The following TPCN2 variants were observed in gnomAD, a reference collection of about 807,000 sequenced individuals.
The protein encoded by TPCN2 is two pore segment channel 2, also known as two pore channel protein 2.
Under a neutral mutation model 111.4 loss-of-function variants are expected in TPCN2, and 92 were observed. The observed-to-expected ratio is 0.83, with a 90% CI of 0.70 to 0.98. The LOEUF (loss-of-function observed/expected upper bound fraction) is 0.98, where lower values mean the gene tolerates loss of function less well. Ranked by LOEUF, TPCN2 falls within the 50% of genes least tolerant of loss-of-function variation. TPCN2 has a pLI of 0.00. For synonymous variants in TPCN2, 405 were observed against 414.5 expected (o/e 0.98, Z 0.28); for missense variants, 995 against 980.1 (o/e 1.02, Z -0.20).
At chr11:69,058,590 G>C (rs928123790) in intron 5 of TPCN2, among the ~76,000 whole-genome samples, 1 of 152,244 alleles carries the variant, frequency 6.6e-6, no homozygotes, top group African/African-American at 2.4e-5. Flanking sequence ...TCCTGTCCCC[G>C]CCTGCCCCAG....
chr11:69,055,986 C>T (rs988878768), intron 4 of TPCN2, among the ~76,000 whole-genome samples: 8 of 152,252 alleles, frequency 5.3e-5, no homozygotes, highest in South Asian at 2.1e-4. Flanking sequence ...CTGTGACGCA[C>T]GTCCTCCCAC....
chr11:69,051,945 G>T (rs1370533226), intron 1 of TPCN2, among the ~76,000 whole-genome samples: 1 of 152,152 alleles, frequency 6.6e-6, no homozygotes, highest in Non-Finnish European at 1.5e-5. Flanking sequence ...TGGAGTGTGG[G>T]CCTGGAATAG....
intron 10 of TPCN2, among the ~76,000 whole-genome samples, 153 bp from the exon 11 acceptor site, chr11:69,071,770 G>T (rs571563018): frequency 1.3e-5 from 2 of 152,200 alleles, no homozygotes; most frequent in African/African-American, 2.4e-5. Flanking sequence ...TCATTCCTGG[G>T]GGGTGAGGGG....
At position 69,090,052 on chromosome 11, in the gene TPCN2, C is replaced by G. The variant is rs1055458193; in HGVS notation, c.*2099C>G. ...GAGTGAGCTGCAGCTCTAAGAAGAC[C>G]TGTTCTTTTGAATGGAGAGTAGCAT... On this transcript the variant is annotated 3_prime_UTR_variant, in exon 25 of 25. Transcript: ENST00000294309. 2 of 152,120 alleles carry G rather than the reference C, an allele frequency of 1.3e-5. No homozygotes were observed. Among genetic ancestry groups the G allele is most frequent in the Non-Finnish European group, 2.9e-5 (2 of 68,038 alleles). The allele number at this position is 152,120 out of a possible 1,614,324, so 9.4% of individuals were successfully genotyped here. A position where few individuals can be genotyped will look rare whatever the true frequency, so the allele number is the denominator to read the frequency against.
chr11:69,071,774 T>A, intron 10 of TPCN2, 149 bp from the exon 11 acceptor site: 1 of 676,458 alleles, frequency 1.5e-6, no homozygotes. Context: ...TCCTGGGGGG[T>A]GAGGGGCTGC....
At chr11:69,075,406 C>T (rs561413476) in intron 13 of TPCN2, among the ~76,000 whole-genome samples, 1 of 152,334 alleles carries the variant, frequency 6.6e-6, no homozygotes, top group South Asian at 2.1e-4. Context: ...TTCTAGACTA[C>T]TTGGAATACC....
chr11:69,053,297 G>C (rs546514570), intron 1 of TPCN2, among the ~76,000 whole-genome samples: 1 of 152,200 alleles, frequency 6.6e-6, no homozygotes, highest in Non-Finnish European at 1.5e-5. Flanking sequence ...TGGGGGACTC[G>C]GGCGTTCCTG....
intron 7 of TPCN2, among the ~76,000 whole-genome samples, chr11:69,064,230 C>T (rs562013106): frequency 6.6e-6 from 1 of 152,070 alleles, no homozygotes; most frequent in South Asian, 2.1e-4. Context: ...TCCCACCCTC[C>T]TCTGCTCCCT....
Position 69,089,115 on chromosome 11 carries a change from C to G in TPCN2, c.*1162C>G, listed in dbSNP as rs1243187047. On this transcript the variant is annotated 3_prime_UTR_variant, in exon 25 of 25. Transcript: ENST00000294309. ...TGCTTTTCCTTCAGAGGTGCTGAGC[C>G]CACGCCATAGCCCCTGTGGGATGGT... 1 of 152,324 alleles carries G rather than the reference C, an allele frequency of 6.6e-6. No individual in the cohort carries two copies. Among genetic ancestry groups the G allele is most frequent in the Non-Finnish European group, 1.5e-5 (1 of 68,128 alleles). The allele number at this position is 152,324 out of a possible 1,614,324, so 9.4% of individuals were successfully genotyped here. A position where few individuals can be genotyped will look rare whatever the true frequency, so the allele number is the denominator to read the frequency against.
intron 17 of TPCN2, among the ~76,000 whole-genome samples, chr11:69,081,031 G>C (rs887617338): frequency 6.6e-6 from 1 of 152,070 alleles, no homozygotes; most frequent in African/African-American, 2.4e-5. Flanking sequence ...GGAGACATGG[G>C]CTCACGCAGT....
chr11:69,077,489 G>T (rs929799813), intron 13 of TPCN2, among the ~76,000 whole-genome samples: 4 of 152,220 alleles, frequency 2.6e-5, no homozygotes, highest in Non-Finnish European at 5.9e-5. Flanking sequence ...AGTGCGTATC[G>T]AGGAGGATGT....
chr11:69,085,435 C>T (rs1012674358), intron 20 of TPCN2, 149 bp downstream of exon 20: 17 of 849,312 alleles, frequency 2.0e-5, no homozygotes, highest in African/African-American at 1.3e-4. Flanking sequence ...CCCCTTTTCC[C>T]GACCCCCAAT....
In TPCN2 at chr11:69,081,424, G is replaced by T. The variant is rs902600423; in HGVS notation, c.1614G>T (p.Leu538=). The T allele has an allele frequency of 1.9e-6, 3 of 1,561,058 alleles. No homozygotes were observed. The highest frequency in any genetic ancestry group is 2.6e-6 in the Non-Finnish European group (3 of 1,153,178). ...GGAGGCCGGAGATGGTGGGCCTGCT[G>T]TCGCTGTGGGACATGACCCGCATGC... The part of the protein sequence containing the change: ...PGWRPEMVGL[L]SLWDMTRMLN... Residue 538 remains leucine, a synonymous_variant, in exon 18 of 25, where the codon CTG becomes CTT. Transcript: ENST00000294309.
chr11:69,055,815 T>A (rs1244081409), intron 4 of TPCN2, among the ~76,000 whole-genome samples: 1 of 152,248 alleles, frequency 6.6e-6, no homozygotes, highest in African/African-American at 2.4e-5. Flanking sequence ...TCTGCAGTGC[T>A]GCTGTGAGGA....
At chr11:69,065,000 G>C (rs556124589) in intron 7 of TPCN2, among the ~76,000 whole-genome samples, 2 of 151,318 alleles carry the variant, frequency 1.3e-5, no homozygotes, top group African/African-American at 2.4e-5. Flanking sequence ...TGCGTGTGTG[G>C]TGTCTGTGTG....
Position 69,081,402 on chromosome 11 carries a change from G to A in TPCN2, c.1592G>A (p.Arg531Lys), listed in dbSNP as rs893473378. The change falls in exon 18 of 25, where the codon AGG becomes AAG. Residue 531 changes from arginine (R) to lysine (K), a missense_variant and splice_region_variant. By Grantham distance (26) the Arg-to-Lys change is conservative. Transcript: ENST00000294309. ...CCGCCTCCCGTGTCTCTCCCCAGGAGGCCGGAGATGGTGGGCCTGCTGTCG... is the reference window on the plus strand; with the variant it reads ...CCGCCTCCCGTGTCTCTCCCCAGGAAGCCGGAGATGGTGGGCCTGCTGTCG... ...AVYRLPHPGW[R>K]PEMVGLLSLW... 6.5e-7 allele frequency: 1 copy of A among 1,550,316 alleles called. No homozygotes were observed. The highest frequency in any genetic ancestry group is 8.7e-7 in the Non-Finnish European group (1 of 1,148,500).
chr11:69,079,133 T>G (rs1590744895), intron 16 of TPCN2, 113 bp downstream of exon 16: 1 of 1,385,852 alleles, frequency 7.2e-7, no homozygotes, highest in Non-Finnish European at 9.7e-7. Context: ...TGTAGGAAGG[T>G]GGGCTTCTGC....
intron 7 of TPCN2, among the ~76,000 whole-genome samples, chr11:69,067,197 C>T (rs1049699537): frequency 6.6e-6 from 1 of 152,222 alleles, no homozygotes; most frequent in African/African-American, 2.4e-5. Flanking sequence ...GAGTCGGCTG[C>T]GAGCAGGCGA....
chr11:69,077,191 C>T (rs1490698726), intron 13 of TPCN2, among the ~76,000 whole-genome samples: 2 of 133,398 alleles, frequency 1.5e-5, no homozygotes, highest in East Asian at 5.2e-4. Context: ...CCTTCACCTG[C>T]CCTCCTGCCA....
Sources: allele counts gnomAD v4.1 joint callset (sites outside exome capture counted in the v4.1 genomes callset), GRCh38; gene constraint gnomAD v4.1.1; transcripts MANE v1.5; gene names NCBI Gene and HGNC (gene_info 2026-07-23, HGNC 2026-07-21).